Variants in RSRC1 observed in about 807,000 individuals in gnomAD.
RSRC1 encodes the protein arginine and serine rich coiled-coil 1.
In RSRC1, 39 loss-of-function variants were observed where a neutral mutation model predicts 49.1. That is an observed-to-expected ratio of 0.79 (90% CI 0.61 to 1.04). The LOEUF (loss-of-function observed/expected upper bound fraction) is 1.04, where lower values mean the gene tolerates loss of function less well. Ranked by LOEUF, RSRC1 falls within the 50% of genes least tolerant of loss-of-function variation. RSRC1 has a pLI of 0.00. For missense variants in RSRC1, 388 were observed against 402.4 expected (o/e 0.96, Z 0.31); for synonymous variants, 143 against 130.8 (o/e 1.09, Z -0.63).
chr3:158,440,515 T>C (rs895548237), intron 6 of RSRC1, among the ~76,000 whole-genome samples: 6 of 152,144 alleles, frequency 3.9e-5, no homozygotes, highest in Non-Finnish European at 1.5e-5. Context: ...AAAATTTAAA[T>C]TATTGAAATT....
chr3:158,257,563 T>G (rs1214438165), intron 4 of RSRC1, among the ~76,000 whole-genome samples: 2 of 152,166 alleles, frequency 1.3e-5, no homozygotes, highest in African/African-American at 4.8e-5. Context: ...AGGCAGCAGA[T>G]CATTGTGTGT....
intron 7 of RSRC1, among the ~76,000 whole-genome samples, chr3:158,488,845 G>C (rs1333468233): frequency 1.3e-5 from 2 of 152,064 alleles, no homozygotes; most frequent in Admixed American, 6.6e-5. Context: ...AGTCTATTTG[G>C]CTCTAGCATG....
chr3:158,398,980 TTGTGTG>T (rs953143108), intron 6 of RSRC1, among the ~76,000 whole-genome samples: 4 of 146,866 alleles, frequency 2.7e-5, no homozygotes, highest in Admixed American at 6.7e-5. Flanking sequence ...GTGTTTGTAT[TTGTGTG>T]TGTGTGTGTA....
Position 158,206,139 on chromosome 3 carries a change from G to A in RSRC1, c.494+2894G>A, listed in dbSNP as rs183551752. ...GGCTTAAACTATGAGTGCACTTACC[G>A]CTAATAATGAGCAGTTAAAAGATAA... On this transcript the variant is annotated intron_variant, in intron 4 of 9. Transcript: ENST00000611884. Among the ~76,000 whole-genome samples the A allele has an allele frequency of 7.2e-5, 11 of 152,256 alleles. No homozygotes were observed. In the East Asian group the frequency reaches 9.6e-4, roughly 13 times the overall value.
intron 6 of RSRC1, among the ~76,000 whole-genome samples, chr3:158,367,101 T>G: frequency 6.6e-6 from 1 of 152,194 alleles, no homozygotes; most frequent in Non-Finnish European, 1.5e-5. Flanking sequence ...AGCAACAATT[T>G]GACTTCCTCT....
intron 4 of RSRC1, among the ~76,000 whole-genome samples, chr3:158,256,412 A>C (rs1023190225): frequency 1.5e-4 from 23 of 152,142 alleles, no homozygotes; most frequent in African/African-American, 5.6e-4. Flanking sequence ...GATGAAGCCT[A>C]CTTGATCGTG....
intron 5 of RSRC1, among the ~76,000 whole-genome samples, chr3:158,318,195 C>T (rs1336676911): frequency 6.6e-6 from 1 of 152,040 alleles, no homozygotes; most frequent in African/African-American, 2.4e-5. Flanking sequence ...CCAGGGGCTC[C>T]CAGGCTTCAT....
chr3:158,392,256 TA>T (rs1560023067), intron 6 of RSRC1, among the ~76,000 whole-genome samples: 4 of 152,146 alleles, frequency 2.6e-5, no homozygotes, highest in African/African-American at 9.6e-5. Flanking sequence ...CTACTGTGGC[TA>T]TGAGAATAAT....
chr3:158,195,948 T>A (rs1720578628), intron 3 of RSRC1, among the ~76,000 whole-genome samples: 1 of 152,074 alleles, frequency 6.6e-6, no homozygotes, highest in Non-Finnish European at 1.5e-5. Flanking sequence ...TCCAGCTTTG[T>A]TCTTTTGGCT....
chr3:158,501,519 G>A (rs1209737630), intron 7 of RSRC1, among the ~76,000 whole-genome samples: 1 of 152,024 alleles, frequency 6.6e-6, no homozygotes, highest in Non-Finnish European at 1.5e-5. Flanking sequence ...ATTAGTAATT[G>A]TTTTATAAAT....
intron 6 of RSRC1, among the ~76,000 whole-genome samples, chr3:158,378,062 A>T (rs1275064161): frequency 6.6e-6 from 1 of 151,906 alleles, no homozygotes; most frequent in African/African-American, 2.4e-5. Context: ...GATCATCTCT[A>T]TCGCTCTGTT....
chr3:158,132,770 C>G (rs1246914450), intron 3 of RSRC1, among the ~76,000 whole-genome samples: 1 of 152,140 alleles, frequency 6.6e-6, no homozygotes, highest in Non-Finnish European at 1.5e-5. Flanking sequence ...AATTTTACAG[C>G]TGTTTTCTAA....
At chr3:158,473,569 G>A (rs1487765897) in intron 7 of RSRC1, among the ~76,000 whole-genome samples, 1 of 151,830 alleles carries the variant, frequency 6.6e-6, no homozygotes, top group Non-Finnish European at 1.5e-5. Context: ...TGTAAATGAC[G>A]AGTTAATGGG....
chr3:158,528,052 T>C (rs187441912), intron 7 of RSRC1, among the ~76,000 whole-genome samples: 14 of 151,962 alleles, frequency 9.2e-5, no homozygotes, highest in Admixed American at 3.3e-4. Context: ...GAGATTTACA[T>C]AGAGGCATTA....
At chr3:158,169,111 T>A (rs1052073479) in intron 3 of RSRC1, among the ~76,000 whole-genome samples, 3 of 152,140 alleles carry the variant, frequency 2.0e-5, no homozygotes, top group Admixed American at 6.5e-5. Context: ...ATGCTGCCTT[T>A]CCCTTTTGTG....
intron 4 of RSRC1, among the ~76,000 whole-genome samples, chr3:158,286,684 CT>C (rs1726583307): frequency 6.6e-6 from 1 of 152,124 alleles, no homozygotes; most frequent in Non-Finnish European, 1.5e-5. Flanking sequence ...AAAATTACAC[CT>C]TAGTTTTCAG....
At chr3:158,366,749 A>G (rs903891956) in intron 6 of RSRC1, among the ~76,000 whole-genome samples, 1 of 152,146 alleles carries the variant, frequency 6.6e-6, no homozygotes, top group African/African-American at 2.4e-5. Context: ...CAGTATGGCC[A>G]TGTTCATGAT....
At chr3:158,433,477 T>C (rs1425246281) in intron 6 of RSRC1, among the ~76,000 whole-genome samples, 2 of 151,940 alleles carry the variant, frequency 1.3e-5, no homozygotes, top group Non-Finnish European at 2.9e-5. Flanking sequence ...ATATATTTCG[T>C]TGGTACACCA....
At chr3:158,236,314 G>A (rs1723248413) in intron 4 of RSRC1, among the ~76,000 whole-genome samples, 1 of 152,096 alleles carries the variant, frequency 6.6e-6, no homozygotes, top group Admixed American at 6.6e-5. Flanking sequence ...GCTATTATGT[G>A]ATTTTTAAAA....
Sources: allele counts gnomAD v4.1 joint callset (sites outside exome capture counted in the v4.1 genomes callset), GRCh38; gene constraint gnomAD v4.1.1; transcripts MANE v1.5; gene names NCBI Gene and HGNC (gene_info 2026-07-23, HGNC 2026-07-21).